STK10: variants seen among roughly 807,000 people sequenced by gnomAD.
STK10 encodes the protein serine/threonine-protein kinase 10.
Under a neutral mutation model 113.8 loss-of-function variants are expected in STK10, and 78 were observed. The observed-to-expected ratio is 0.69, with a 90% CI of 0.57 to 0.83. The LOEUF (loss-of-function observed/expected upper bound fraction) is 0.83. STK10 is among the 40% of genes least tolerant of loss of function. The pLI is 0.00. For synonymous variants in STK10, 465 were observed against 494.7 expected, an observed-to-expected ratio of 0.94 and a Z score of 0.80; for missense variants, 1,109 against 1,280.1, an observed-to-expected ratio of 0.87 and a Z score of 2.04.
chr5:172,066,472 T>C (rs1768071480), intron 12 of STK10, among the ~76,000 whole-genome samples: 1 of 152,006 alleles, frequency 6.6e-6, no homozygotes, highest in Non-Finnish European at 1.5e-5. Flanking sequence ...GTCCAGTGAG[T>C]ATGGGATGAA....
At chr5:172,175,006 T>G (rs556878423) in intron 1 of STK10, among the ~76,000 whole-genome samples, 3 of 152,182 alleles carry the variant, frequency 2.0e-5, no homozygotes, top group Non-Finnish European at 4.4e-5. Context: ...TTTTTCTTGT[T>G]ATTGTTGTTT....
intron 6 of STK10, 112 bp downstream of exon 6, chr5:172,106,508 A>G (rs1440311936): frequency 1.7e-6 from 2 of 1,188,518 alleles, no homozygotes; most frequent in Non-Finnish European, 2.3e-6. Context: ...CTTTGGAGCT[A>G]GCAGCACCAG....
chr5:172,177,667 A>G (rs1217039811), intron 1 of STK10, among the ~76,000 whole-genome samples: 1 of 152,258 alleles, frequency 6.6e-6, no homozygotes, highest in African/African-American at 2.4e-5. Context: ...CATTTATTAC[A>G]TGCTGAAGTG....
intron 2 of STK10, among the ~76,000 whole-genome samples, chr5:172,141,485 G>A (rs1326210605): frequency 9.2e-5 from 14 of 151,884 alleles, no homozygotes; most frequent in Admixed American, 6.6e-4. Flanking sequence ...GGAGGCTGAC[G>A]TGGGAGGATG....
At chr5:172,117,201 C>T (rs757057316) in intron 4 of STK10, among the ~76,000 whole-genome samples, 3 of 152,060 alleles carry the variant, frequency 2.0e-5, no homozygotes, top group Non-Finnish European at 4.4e-5. Flanking sequence ...AGCACTTGAA[C>T]CTGGGAGGTG....
chr5:172,171,439 C>T (rs1281490952), intron 1 of STK10, among the ~76,000 whole-genome samples: 1 of 152,150 alleles, frequency 6.6e-6, no homozygotes, highest in Non-Finnish European at 1.5e-5. Context: ...CTTGGCTGCG[C>T]ATGGTGGCTC....
intron 1 of STK10, among the ~76,000 whole-genome samples, chr5:172,159,152 G>A (rs1770412232): frequency 1.3e-5 from 2 of 152,288 alleles, no homozygotes; most frequent in Admixed American, 6.5e-5. Flanking sequence ...GGGAGGTGAG[G>A]ACCCACAGCT....
chr5:172,168,968 A>C lies in STK10; in HGVS notation c.157-12180T>G, dbSNP rs1362696519. Among the ~76,000 whole-genome samples the C allele has an allele frequency of 3.9e-5, 6 of 151,910 alleles. No homozygotes were observed. In the East Asian group the frequency reaches 1.2e-3, roughly 29 times the overall value. ...TCCCTGGCCCAGCACTCACACCCTC[A>C]TGACCTGCCCCTGCCCACTTCCCCA... is the stretch of plus-strand genomic sequence containing the variant. On this transcript the variant is annotated intron_variant, in intron 1 of 18. Coordinates refer to ENST00000176763, the MANE Select transcript of STK10 (RefSeq NM_005990.4).
intron 14 of STK10, among the ~76,000 whole-genome samples, chr5:172,060,896 T>A (rs1767916748): frequency 6.6e-6 from 1 of 152,234 alleles, no homozygotes. Context: ...ATACTCTGCC[T>A]GTTTCTTTCT....
At chr5:172,096,661 A>G in intron 7 of STK10, 101 bp from the exon 8 acceptor site, 1 of 1,493,876 alleles carries the variant, frequency 6.7e-7, no homozygotes, top group Non-Finnish European at 9.1e-7. Context: ...GGCCAGCCTC[A>G]TTCCTGAGCA....
chr5:172,085,414 C>T (rs1203175940), intron 10 of STK10, among the ~76,000 whole-genome samples: 5 of 151,974 alleles, frequency 3.3e-5, no homozygotes, highest in African/African-American at 7.3e-5. Context: ...GTAGGCCGGG[C>T]GCGGTGGCTC....
chr5:172,107,852 GCT>G lies in STK10; in HGVS notation c.521-2_521-1del, dbSNP rs1561810740. 6.2e-7 allele frequency: 1 copy of G among 1,614,114 alleles called. No homozygotes were observed. Among genetic ancestry groups the G allele is most frequent in the African/African-American group, 1.3e-5 (1 of 75,048 alleles). On this transcript the variant is annotated splice_acceptor_variant, in intron 4 of 18. Coordinates refer to ENST00000176763, the MANE Select transcript of STK10 (RefSeq NM_005990.4). LOFTEE classifies it high-confidence loss of function. Reference sequence around the variant, plus strand: ...ATTCTTGGCAGACACACCAAAGTCAGCTGCAAGACAAAATCTCAGCTAGCGTT... The same window carrying G: ...ATTCTTGGCAGACACACCAAAGTCAGGCAAGACAAAATCTCAGCTAGCGTT...
At chr5:172,107,673 G>T (rs1769146165) in intron 5 of STK10, 107 bp downstream of exon 5, 3 of 623,054 alleles carry the variant, frequency 4.8e-6, no homozygotes, top group Non-Finnish European at 7.0e-6. Context: ...ACGAGGCAGG[G>T]CGTGTAGCCC....
chr5:172,160,501 C>T (rs139636041), intron 1 of STK10, among the ~76,000 whole-genome samples: 425 of 151,648 alleles, frequency 2.8e-3, no homozygotes, highest in Middle Eastern at 6.9e-3. Context: ...CCTAAAAGCA[C>T]GCTGCTCATC....
chr5:172,045,893 T>C (rs1350581723), intron 18 of STK10, among the ~76,000 whole-genome samples: 1 of 151,708 alleles, frequency 6.6e-6, no homozygotes, highest in Non-Finnish European at 1.5e-5. Flanking sequence ...TTTCATCGTG[T>C]TGGCCAGACT....
rs184960613 is a variant in STK10, at chr5:172,171,376, G to A, written c.157-14588C>T. Among the ~76,000 whole-genome samples, 28 of 152,260 alleles carry A rather than the reference G, an allele frequency of 1.8e-4. No individual in the cohort carries two copies. The East Asian group carries it at 5.2e-3, about 28-fold the overall frequency. On this transcript the variant is annotated intron_variant, in intron 1 of 18. Coordinates refer to ENST00000176763, the MANE Select transcript of STK10 (RefSeq NM_005990.4). ...TGTAACCGCTCCTCCTCCAGAAGCT[G>A]TTGTGAGCATTTAATGAGTTATACG... is the stretch of plus-strand genomic sequence containing the variant.
chr5:172,106,491 A>T, intron 6 of STK10, 129 bp downstream of exon 6: 1 of 1,051,424 alleles, frequency 9.5e-7, no homozygotes, highest in Non-Finnish European at 1.3e-6. Context: ...CCAGGCCCCA[A>T]CCTCTCCTTT....
chr5:172,170,965 A>G (rs954608535), intron 1 of STK10, among the ~76,000 whole-genome samples: 2 of 152,154 alleles, frequency 1.3e-5, no homozygotes, highest in Non-Finnish European at 2.9e-5. Context: ...GAAGCACTTT[A>G]TGGAGGGCCA....
chr5:172,188,120 G>A lies in STK10; in HGVS notation c.-78C>T, dbSNP rs1472601579. ...GCTTCGGCGGCCGCGAGGAGAAGGAGGAGGAGTTGGAGGACGCCGCGTCTC... is the reference window on the plus strand; with the variant it reads ...GCTTCGGCGGCCGCGAGGAGAAGGAAGAGGAGTTGGAGGACGCCGCGTCTC... On this transcript the variant is annotated 5_prime_UTR_variant, in exon 1 of 19. Coordinates refer to ENST00000176763, the MANE Select transcript of STK10 (RefSeq NM_005990.4). The surrounding 1 kb of genome is among the most constrained non-coding windows in gnomAD (Gnocchi z 5.6). The A allele has an allele frequency of 2.0e-6, 3 of 1,531,438 alleles. No individual in the cohort carries two copies. The highest frequency in any genetic ancestry group is 2.6e-6 in the Non-Finnish European group (3 of 1,139,398). The allele number at this position is 1,531,438 out of a possible 1,614,324, so 94.9% of individuals were successfully genotyped here. A position where few individuals can be genotyped will look rare whatever the true frequency, so the allele number is the denominator to read the frequency against.
Sources: allele counts gnomAD v4.1 joint callset (sites outside exome capture counted in the v4.1 genomes callset), GRCh38; gene constraint gnomAD v4.1.1; non-coding constraint Gnocchi (gnomAD v3.1); transcripts MANE v1.5; gene names NCBI Gene and HGNC (gene_info 2026-07-23, HGNC 2026-07-21).